Variants in ANO2 observed in about 807,000 individuals in gnomAD.
ANO2 encodes the protein anoctamin-2.
ANO2 carries 101 observed loss-of-function variants against 124.2 expected under a neutral mutation model. The observed-to-expected ratio is 0.81, with a 90% CI of 0.69 to 0.96. ANO2 has a LOEUF of 0.96. ANO2 is among the 40% of genes least tolerant of loss of function. The pLI is 0.00. For synonymous variants in ANO2, 486 were observed against 482.5 expected (o/e 1.01, Z -0.09); for missense variants, 1,293 against 1,274.5 (o/e 1.01, Z -0.22).
At position 5,793,614 on chromosome 12, in the gene ANO2, AG is replaced by A. The variant is rs1565673460; in HGVS notation, c.1055+5892del. ...TTCCCCAGCTCTGCCCTGGAATTCC[AG>A]GTGGCCATGGGGAACTTGTGGAGCC... On this transcript the variant is annotated intron_variant, in intron 10 of 24. Transcript: ENST00000682330. Among the ~76,000 whole-genome samples the A allele has an allele frequency of 3.9e-5, 6 of 152,350 alleles. No individual in the cohort carries two copies. The South Asian group carries it at 1.2e-3, about 32-fold the overall frequency.
chr12:5,843,275 C>T lies in ANO2; in HGVS notation c.634-10672G>A, dbSNP rs116420352. On this transcript the variant is annotated intron_variant, in intron 4 of 24. Coordinates refer to ENST00000682330, the MANE Select transcript of ANO2 (RefSeq NM_001364791.2). ...CATCCTTAATAAAACTCAGGCCAGGCGCGGTGGCTCACACCTGTAATCCCA... is the reference window on the plus strand; with the variant it reads ...CATCCTTAATAAAACTCAGGCCAGGTGCGGTGGCTCACACCTGTAATCCCA... 3.1e-3 allele frequency among the ~76,000 whole-genome samples: 470 copies of T among 152,286 alleles called. 1 individual carries two copies. The highest frequency in any genetic ancestry group is 0.01 in the African/African-American group (419 of 41,556).
At chr12:5,770,112 C>T (rs779877420) in intron 10 of ANO2, among the ~76,000 whole-genome samples, 9 of 152,154 alleles carry the variant, frequency 5.9e-5, no homozygotes, top group Non-Finnish European at 1.2e-4. Context: ...GGGAGAAAAG[C>T]CCCTGCTCTT....
chr12:5,661,938 C>T (rs1054582321), intron 14 of ANO2, among the ~76,000 whole-genome samples: 4 of 152,194 alleles, frequency 2.6e-5, no homozygotes, highest in Non-Finnish European at 5.9e-5. Context: ...GAGACAATTC[C>T]CTCATGCATG....
intron 14 of ANO2, among the ~76,000 whole-genome samples, chr12:5,718,352 G>A (rs1003178124): frequency 2.6e-5 from 4 of 152,236 alleles, no homozygotes; most frequent in African/African-American, 7.2e-5. Flanking sequence ...CTGAACAGAA[G>A]TGCCCAAGGC....
intron 3 of ANO2, among the ~76,000 whole-genome samples, chr12:5,918,098 G>A (rs2136299224): frequency 6.7e-6 from 1 of 148,478 alleles, no homozygotes; most frequent in East Asian, 2.0e-4. Flanking sequence ...TCCCACATTG[G>A]TAAGTTCCTG....
chr12:5,942,190 AC>A (rs1488036789), intron 1 of ANO2, among the ~76,000 whole-genome samples: 1 of 152,242 alleles, frequency 6.6e-6, no homozygotes, highest in Non-Finnish European at 1.5e-5. Flanking sequence ...TGACTAAGTC[AC>A]TACTTTTAGG....
intron 14 of ANO2, among the ~76,000 whole-genome samples, chr12:5,721,359 C>T (rs1429858962): frequency 6.6e-6 from 1 of 152,234 alleles, no homozygotes; most frequent in Non-Finnish European, 1.5e-5. Flanking sequence ...CCACAGTTTC[C>T]ACAGGCTGTT....
chr12:5,615,004 A>G (rs908045128), intron 17 of ANO2, among the ~76,000 whole-genome samples, 182 bp downstream of exon 17: 1 of 152,164 alleles, frequency 6.6e-6, no homozygotes, highest in Non-Finnish European at 1.5e-5. Flanking sequence ...GAGTCTGAAG[A>G]TGCTAATTCA....
intron 10 of ANO2, among the ~76,000 whole-genome samples, chr12:5,770,837 T>C (rs919683233): frequency 2.6e-5 from 4 of 152,170 alleles, no homozygotes; most frequent in African/African-American, 9.7e-5. Flanking sequence ...ATGAGGCACC[T>C]TACCATTCCT....
chr12:5,817,236 G>A (rs1034272225), intron 7 of ANO2, among the ~76,000 whole-genome samples: 2 of 152,192 alleles, frequency 1.3e-5, no homozygotes, highest in Non-Finnish European at 2.9e-5. Flanking sequence ...CAAAAACTCT[G>A]CAAGATAGAT....
At chr12:5,865,758 C>T (rs1955409275) in intron 3 of ANO2, among the ~76,000 whole-genome samples, 2 of 147,346 alleles carry the variant, frequency 1.4e-5, no homozygotes, top group African/African-American at 5.4e-5. Flanking sequence ...TGCAATCACA[C>T]CATCATGCAT....
intron 14 of ANO2, among the ~76,000 whole-genome samples, chr12:5,721,563 T>C (rs1351749368): frequency 6.6e-6 from 1 of 152,044 alleles, no homozygotes; most frequent in Non-Finnish European, 1.5e-5. Flanking sequence ...TTCAGTGCAG[T>C]GGCACAATCA....
At chr12:5,914,174 TA>T (rs376920162) in intron 3 of ANO2, among the ~76,000 whole-genome samples, 19 of 149,912 alleles carry the variant, frequency 1.3e-4, no homozygotes, top group South Asian at 4.2e-4. Flanking sequence ...CACTCCAGCC[TA>T]GGTGACAGAG....
intron 15 of ANO2, among the ~76,000 whole-genome samples, chr12:5,638,237 C>CTTTTTTCTTTTTTTT (rs1555112223): frequency 1.6e-5 from 2 of 124,850 alleles, no homozygotes; most frequent in African/African-American, 2.9e-5. Context: ...GTTTCTTTTC[C>CTTTTTTCTTTTTTTT]TTTTTTTTTT....
At chr12:5,823,258 C>A (rs963878731) in intron 7 of ANO2, among the ~76,000 whole-genome samples, 6 of 152,170 alleles carry the variant, frequency 3.9e-5, no homozygotes, top group Non-Finnish European at 4.4e-5. Flanking sequence ...TAACTCATTT[C>A]AGAATTAACC....
Position 5,636,436 on chromosome 12 carries a change from T to C in ANO2, c.1621-1089A>G, listed in dbSNP as rs1832376138. 6.6e-6 allele frequency among the ~76,000 whole-genome samples: 1 copy of C among 152,128 alleles called. No individual in the cohort carries two copies. The highest frequency in any genetic ancestry group is 2.4e-5 in the African/African-American group (1 of 41,430). ...TTGCTTCAGTCAAGTCAAGACTTCT[T>C]CAAGAAAGAAGACTTCCTTCTTAGG... is the stretch of plus-strand genomic sequence containing the variant. On this transcript the variant is annotated intron_variant, in intron 15 of 24. Transcript: ENST00000682330. This position sits in a 1 kb window ranked among gnomAD's most constrained non-coding sequence, Gnocchi z 4.6.
At chr12:5,589,410 C>G (rs529760660) in intron 20 of ANO2, among the ~76,000 whole-genome samples, 105 of 152,244 alleles carry the variant, frequency 6.9e-4, no homozygotes, top group African/African-American at 2.5e-3. Flanking sequence ...TGATAATCCA[C>G]TCACTGGATT....
intron 10 of ANO2, among the ~76,000 whole-genome samples, chr12:5,754,247 T>C (rs1951516634): frequency 6.6e-6 from 1 of 152,194 alleles, no homozygotes. Context: ...GAACCATCCT[T>C]GTATCCCAAG....
At chr12:5,745,403 G>A (rs1312169089) in intron 11 of ANO2, among the ~76,000 whole-genome samples, 3 of 152,176 alleles carry the variant, frequency 2.0e-5, no homozygotes, top group East Asian at 1.9e-4. Context: ...TGGGGAGGCA[G>A]GGGATCCAGC....
Sources: allele counts gnomAD v4.1 joint callset (sites outside exome capture counted in the v4.1 genomes callset), GRCh38; gene constraint gnomAD v4.1.1; non-coding constraint Gnocchi (gnomAD v3.1); transcripts MANE v1.5; gene names NCBI Gene and HGNC (gene_info 2026-07-23, HGNC 2026-07-21).